The following HAVCR1 variants were observed in gnomAD, a reference collection of about 807,000 sequenced individuals.
HAVCR1 encodes the protein hepatitis A virus cellular receptor 1.
In HAVCR1, 34 loss-of-function variants were observed where a neutral mutation model predicts 32.0. The ratio of observed to expected loss-of-function variants is 1.06; its 90% CI spans 0.81 to 1.42. The LOEUF (loss-of-function observed/expected upper bound fraction) is 1.42, where lower values mean the gene tolerates loss of function less well. Ranked by LOEUF, HAVCR1 falls within the 40% of genes most tolerant of loss-of-function variation. The pLI, the probability that HAVCR1 is intolerant of heterozygous loss-of-function variation, is 0.00. For missense variants in HAVCR1, 420 were observed against 442.3 expected (o/e 0.95, Z 0.45); for synonymous variants, 178 against 170.3 (o/e 1.05, Z -0.35).
At chr5:157,032,831 G>C in intron 8 of HAVCR1, 23 bp downstream of exon 8, 3 of 1,393,604 alleles carry the variant, frequency 2.2e-6, no homozygotes, top group Non-Finnish European at 3.0e-6. Flanking sequence ...CAAAAGTATT[G>C]ATAGAAATAT....
Position 157,055,445 on chromosome 5 carries a change from C to CTCT in HAVCR1, c.134_135insAGA (p.Met45delinsIleGlu), listed in dbSNP as rs772263173. 1.4e-5 allele frequency: 22 copies of CTCT among 1,612,286 alleles called. No homozygotes were observed. In the South Asian group the frequency reaches 2.3e-4, roughly 17 times the overall value. On this transcript the variant is annotated protein_altering_variant, in exon 3 of 9. Transcript: ENST00000523175. ...GAGAACATGAGCCTCTATTCCAGCA[C>CTCT]ATGGATGTGACAGCTCCACTGTAGT...
chr5:157,044,586 G>GGAAAGAAA (rs72157678), intron 5 of HAVCR1, among the ~76,000 whole-genome samples: 1,736 of 56,282 alleles, frequency 0.031, 112 homozygotes, highest in Non-Finnish European at 0.037. Context: ...AAAGAAAGAA[G>GGAAAGAAA]GAAAGAAAGA....
intron 5 of HAVCR1, among the ~76,000 whole-genome samples, chr5:157,044,619 A>AAGAAAGAAAGAAAG (rs1561591189): frequency 3.5e-3 from 116 of 33,410 alleles, no homozygotes; most frequent in Non-Finnish European, 4.8e-3. Context: ...AAGAAAGAGA[A>AAGAAAGAAAGAAAG]AGAAAGAAAG....
At chr5:157,066,156 C>T in the HAVCR1 span, among the ~76,000 whole-genome samples, 1 of 151,030 alleles carries the variant, frequency 6.6e-6, no homozygotes, top group Non-Finnish European at 1.5e-5. Context: ...GTCCTAGAAG[C>T]CAAGTGAAGC....
At chr5:157,052,809 G>A (rs1755846884) in intron 3 of HAVCR1, among the ~76,000 whole-genome samples, 155 bp from the exon 4 acceptor site, 1 of 152,214 alleles carries the variant, frequency 6.6e-6, no homozygotes, top group Non-Finnish European at 1.5e-5. Context: ...GCTAGAAACT[G>A]TGACAGGAGA....
At chr5:157,040,378 C>A (rs569069899) in intron 6 of HAVCR1, among the ~76,000 whole-genome samples, 1 of 152,104 alleles carries the variant, frequency 6.6e-6, no homozygotes, top group East Asian at 1.9e-4. Context: ...TCTAGCCACA[C>A]GTCAACACAT....
chr5:157,044,631 A>G (rs201712730), intron 5 of HAVCR1, among the ~76,000 whole-genome samples: 2 of 80,400 alleles, frequency 2.5e-5, no homozygotes, highest in South Asian at 6.2e-4. Flanking sequence ...GAAAGAAAGA[A>G]AGAAAGAAAG....
chr5:157,063,161 A>G (rs1166688036), upstream of HAVCR1, among the ~76,000 whole-genome samples: 1 of 146,400 alleles, frequency 6.8e-6, no homozygotes, highest in Non-Finnish European at 1.5e-5. Flanking sequence ...AAGAAAATAT[A>G]TAAAAATACC....
At chr5:157,050,090 G>T (rs1755648565) in intron 4 of HAVCR1, among the ~76,000 whole-genome samples, 1 of 152,128 alleles carries the variant, frequency 6.6e-6, no homozygotes, top group Non-Finnish European at 1.5e-5. Context: ...TTTCCTTATT[G>T]CCTCTCACTG....
rs139324173 is a variant in HAVCR1 at position 157,059,068 on chromosome 5, G to A, written c.-160C>T. 12 of 152,260 alleles carry A rather than the reference G, an allele frequency of 7.9e-5. No homozygotes were observed. Among genetic ancestry groups the A allele is most frequent in the African/African-American group, 2.9e-4 (12 of 41,532 alleles). The allele number at this position is 152,260 out of a possible 1,614,324, so 9.4% of individuals were successfully genotyped here. A position where few individuals can be genotyped will look rare whatever the true frequency, so the allele number is the denominator to read the frequency against. On this transcript the variant is annotated 5_prime_UTR_variant, in exon 1 of 9. Transcript: ENST00000523175. The stretch of plus-strand genomic sequence containing the variant: ...AGGATTGATATAATAAGCAAAAAGG[G>A]CCACGGAAGAACTTGGAAAACTAAA...
intron 7 of HAVCR1, among the ~76,000 whole-genome samples, chr5:157,036,789 A>G (rs1342729858): frequency 2.6e-5 from 4 of 151,778 alleles, no homozygotes; most frequent in Admixed American, 2.0e-4. Flanking sequence ...CTCCTGCCTC[A>G]GCCTCCCAAA....
At position 157,044,575 on chromosome 5, in the gene HAVCR1, C is replaced by CAAGG. The variant is rs1561590758; in HGVS notation, c.782-1894_782-1893insCCTT. ...GGAAGGAAGGAGAGAGAAAGAAAGA[C>CAAGG]AAAGAAAGAAGGAAAGAAAGAAAGA... is the stretch of plus-strand genomic sequence containing the variant. On this transcript the variant is annotated intron_variant, in intron 5 of 8. Transcript: ENST00000523175. 2.4e-3 allele frequency among the ~76,000 whole-genome samples: 187 copies of CAAGG among 78,088 alleles called. 3 individuals are homozygous for CAAGG. The highest frequency in any genetic ancestry group is 0.011 in the African/African-American group (175 of 16,302). 51.2% of individuals were successfully genotyped at this position (78,088 alleles called of 152,430 possible). A position where few individuals can be genotyped will look rare whatever the true frequency, so the allele number is the denominator to read the frequency against.
chr5:157,049,029 C>A lies in HAVCR1; in HGVS notation c.781+9G>T, dbSNP rs759786421. On this transcript the variant is annotated intron_variant, in intron 5 of 8. Coordinates refer to ENST00000523175, the MANE Select transcript of HAVCR1 (RefSeq NM_001173393.3). ...GATCCCAGGTCTTCAGGAAAGAGAA[C>A]GCAGTTACCTGTTGTGTAAGAGTAC... 8 of 1,463,504 alleles carry A rather than the reference C, an allele frequency of 5.5e-6. No homozygotes were observed. The highest frequency in any genetic ancestry group is 1.7e-4 in the Middle Eastern group (1 of 5,774). The allele number at this position is 1,463,504 out of a possible 1,614,324, so 90.7% of individuals were successfully genotyped here. A position where few individuals can be genotyped will look rare whatever the true frequency, so the allele number is the denominator to read the frequency against.
In HAVCR1 at chr5:157,037,325, T is replaced by C; in HGVS notation, c.874A>G (p.Thr292Ala). 1 of 1,595,878 alleles carries C rather than the reference T, an allele frequency of 6.3e-7. No individual in the cohort carries two copies. The change falls in exon 7 of 9, where the codon ACC (threonine) becomes GCC (alanine). Residue 292 changes from threonine (T) to alanine (A), a missense_variant. By Grantham distance (58) the Thr-to-Ala change is moderately conservative (BLOSUM62 0). Coordinates refer to ENST00000523175, the MANE Select transcript of HAVCR1 (RefSeq NM_001173393.3). ...FLEHSLLTAN[T>A]TKGIYAGVCI... ...ACTCCAGCATAGATTCCTTTAGTGGTATTGGCCGTCAGTAGACTATGTTCT... is the reference window on the plus strand; with the variant it reads ...ACTCCAGCATAGATTCCTTTAGTGGCATTGGCCGTCAGTAGACTATGTTCT...
intron 5 of HAVCR1, among the ~76,000 whole-genome samples, chr5:157,043,885 A>G (rs1044035580): frequency 6.6e-6 from 1 of 152,206 alleles, no homozygotes; most frequent in Non-Finnish European, 1.5e-5. Flanking sequence ...TACACAACAC[A>G]TTGCACTTCT....
At chr5:157,053,924 T>C (rs1236882264) in intron 3 of HAVCR1, among the ~76,000 whole-genome samples, 1 of 152,048 alleles carries the variant, frequency 6.6e-6, no homozygotes, top group South Asian at 2.1e-4. Flanking sequence ...CTCATGTCTG[T>C]AGGCCCAGCC....
intron 5 of HAVCR1, among the ~76,000 whole-genome samples, chr5:157,044,421 GAGAAAGAAAGAAAGAA>G (rs1209423817): frequency 3.0e-5 from 1 of 33,768 alleles, no homozygotes; most frequent in African/African-American, 1.9e-4. Context: ...AGGAAGGAAG[GAGAAAGAAAGAAAGAA>G]AGAAAGAAAG....
At chr5:157,044,605 A>AAGAAAGAAAGAAAG (rs1755205190) in intron 5 of HAVCR1, among the ~76,000 whole-genome samples, 1 of 84,286 alleles carries the variant, frequency 1.2e-5, no homozygotes, top group African/African-American at 6.8e-5. Flanking sequence ...GAAAGAAAGA[A>AAGAAAGAAAGAAAG]AGAAAGAAAG....
At chr5:157,068,410 C>T in the HAVCR1 span, among the ~76,000 whole-genome samples, 3 of 152,032 alleles carry the variant, frequency 2.0e-5, no homozygotes, top group South Asian at 2.1e-4. Flanking sequence ...ATAGCGAAAC[C>T]GTATCTCTAC....
Sources: gnomAD v4.1 joint callset for allele counts (sites outside exome capture counted in the v4.1 genomes callset) on GRCh38, gnomAD v4.1.1 for gene constraint, MANE v1.5 for transcripts, NCBI Gene and HGNC (gene_info 2026-07-23, HGNC 2026-07-21) for gene names.